Variants in TNFSF8 observed in about 807,000 individuals in gnomAD.
TNFSF8 encodes tumor necrosis factor ligand superfamily member 8.
Under a neutral mutation model 22.0 loss-of-function variants are expected in TNFSF8, and 4 were observed. The observed-to-expected ratio is 0.18, with a 90% confidence interval of 0.09 to 0.42. The LOEUF (loss-of-function observed/expected upper bound fraction) is 0.42, where lower values mean the gene tolerates loss of function less well. Among genes scored for constraint, TNFSF8 ranks in the 10% least tolerant of loss-of-function variants. The pLI is 1.00. For synonymous variants in TNFSF8, 106 were observed against 112.5 expected (o/e 0.94, Z 0.37); for missense variants, 233 against 281.8 (o/e 0.83, Z 1.24).
chr9:114,900,393 G>A (rs1016934389), downstream of TNFSF8, among the ~76,000 whole-genome samples: 4 of 152,216 alleles, frequency 2.6e-5, no homozygotes, highest in Non-Finnish European at 5.9e-5. Context: ...AGCCCAGCAG[G>A]GAGCAGACAC....
intron 2 of TNFSF8, among the ~76,000 whole-genome samples, chr9:114,910,376 C>A (rs1042984223): frequency 1.3e-4 from 20 of 152,128 alleles, no homozygotes; most frequent in African/African-American, 4.8e-4. Flanking sequence ...AACAGAGATC[C>A]TAGTTTTAGG....
intron 1 of TNFSF8, among the ~76,000 whole-genome samples, chr9:114,925,784 T>A (rs911348595): frequency 3.9e-5 from 6 of 152,260 alleles, no homozygotes; most frequent in African/African-American, 1.4e-4. Context: ...AACCCTATAC[T>A]CCAACCTTTT....
At chr9:114,921,240 C>T (rs907262910) in intron 1 of TNFSF8, among the ~76,000 whole-genome samples, 6 of 152,180 alleles carry the variant, frequency 3.9e-5, no homozygotes, top group Admixed American at 3.9e-4. Context: ...AGAAGCGTGA[C>T]TATTCCTATT....
At position 114,910,989 on chromosome 9, in the gene TNFSF8, A is replaced by G. The variant is rs1827845929; in HGVS notation, c.239-5090T>C. 2.0e-5 allele frequency among the ~76,000 whole-genome samples: 3 copies of G among 152,214 alleles called. No individual in the cohort carries two copies. The South Asian group carries it at 6.2e-4, about 32-fold the overall frequency. On this transcript the variant is annotated intron_variant, in intron 2 of 3. Transcript: ENST00000223795. ...CAATCAACCTAAATGTATGGATGTC[A>G]TGAAGATGCAATGAGACCGTGGATG...
downstream of TNFSF8, among the ~76,000 whole-genome samples, chr9:114,896,807 C>G (rs563023473): frequency 6.6e-6 from 1 of 152,048 alleles, no homozygotes; most frequent in East Asian, 1.9e-4. Context: ...TTTTTTCCTT[C>G]CATGTTCTCA....
chr9:114,901,653 T>A lies in TNFSF8; in HGVS notation c.*2278A>T, dbSNP rs1827718281. ...CAAATGCCAGCCATTTCCCTGTTTT[T>A]TTAGCCTTGAGTCTCAAAGTCTGTT... On this transcript the variant is annotated 3_prime_UTR_variant, in exon 4 of 4. Transcript: ENST00000223795. The A allele has an allele frequency of 1.0e-6, 1 of 985,314 alleles. No homozygotes were observed. Among genetic ancestry groups the A allele is most frequent in the Non-Finnish European group, 1.2e-6 (1 of 829,944 alleles). The allele number at this position is 985,314 out of a possible 1,614,324, so 61.0% of individuals were successfully genotyped here.
At chr9:114,893,819 AT>A (rs1383990157) in exon 5 of TNFSF8, 1 of 437,180 alleles carries the variant, frequency 2.3e-6, no homozygotes, top group African/African-American at 2.0e-5. Flanking sequence ...GAAGTGATTA[AT>A]TCTGGGAAGG....
At chr9:114,898,502 G>A (rs1827680612), downstream of TNFSF8, among the ~76,000 whole-genome samples, 1 of 152,162 alleles carries the variant, frequency 6.6e-6, no homozygotes, top group Non-Finnish European at 1.5e-5. Context: ...ATTGAGAGTG[G>A]TGGCTGGAAC....
chr9:114,927,123 TATTA>T (rs1228579346), intron 1 of TNFSF8, among the ~76,000 whole-genome samples: 2 of 147,392 alleles, frequency 1.4e-5, no homozygotes. Flanking sequence ...AAAGTAATAT[TATTA>T]TATAAAATAG....
chr9:114,914,658 T>C (rs1423899828), intron 2 of TNFSF8, among the ~76,000 whole-genome samples: 1 of 152,168 alleles, frequency 6.6e-6, no homozygotes, highest in Non-Finnish European at 1.5e-5. Flanking sequence ...GAGGGTCCAA[T>C]TGCTGTCCCA....
intron 2 of TNFSF8, among the ~76,000 whole-genome samples, chr9:114,910,711 G>A (rs1827842320): frequency 6.6e-6 from 1 of 152,166 alleles, no homozygotes; most frequent in Non-Finnish European, 1.5e-5. Flanking sequence ...CAAGTCATGG[G>A]CACATAAAGA....
At chr9:114,894,070 C>T (rs564392899) in exon 5 of TNFSF8, 2 of 1,533,972 alleles carry the variant, frequency 1.3e-6, no homozygotes, top group Non-Finnish European at 1.7e-6. Flanking sequence ...CAGCAACCAG[C>T]ATCAAGGTTC....
exon 5 of TNFSF8, chr9:114,893,968 G>T: frequency 1.2e-6 from 1 of 855,658 alleles, no homozygotes; most frequent in Non-Finnish European, 1.9e-6. Flanking sequence ...TCCTGGCTAT[G>T]TCGGTTTAGG....
intron 2 of TNFSF8, among the ~76,000 whole-genome samples, chr9:114,909,325 T>C (rs1827824410): frequency 6.6e-6 from 1 of 152,190 alleles, no homozygotes; most frequent in Non-Finnish European, 1.5e-5. Context: ...TTCTGAAGGC[T>C]GGGAGCAGAG....
At chr9:114,919,353 C>G (rs1827960172) in intron 1 of TNFSF8, among the ~76,000 whole-genome samples, 1 of 152,022 alleles carries the variant, frequency 6.6e-6, no homozygotes, top group Non-Finnish European at 1.5e-5. Flanking sequence ...AACAGATTGT[C>G]TTTTGAAGGA....
intron 3 of TNFSF8, among the ~76,000 whole-genome samples, chr9:114,905,532 G>T (rs1057060737): frequency 6.6e-6 from 1 of 152,182 alleles, no homozygotes; most frequent in Non-Finnish European, 1.5e-5. Flanking sequence ...GGTGAGGGGT[G>T]GGGCTGGTGG....
At chr9:114,901,034 A>AGTGTGTGT (rs113133989), downstream of TNFSF8, 2 of 905,778 alleles carry the variant, frequency 2.2e-6, no homozygotes, top group East Asian at 2.4e-4. Context: ...AAGTACACTG[A>AGTGTGTGT]GTGTGTGTGT....
intron 2 of TNFSF8, among the ~76,000 whole-genome samples, chr9:114,909,730 A>C (rs1314592207): frequency 1.3e-5 from 2 of 152,188 alleles, no homozygotes; most frequent in Non-Finnish European, 2.9e-5. Flanking sequence ...CTTTATGGGC[A>C]TGTTGCATTA....
At chr9:114,899,912 A>AT (rs750184339), downstream of TNFSF8, among the ~76,000 whole-genome samples, 13 of 152,158 alleles carry the variant, frequency 8.5e-5, no homozygotes, top group Non-Finnish European at 1.8e-4. Flanking sequence ...TTCCAAGAGT[A>AT]TTTTTGCTGT....
Sources: gnomAD v4.1 joint callset for allele counts (sites outside exome capture counted in the v4.1 genomes callset) on GRCh38, gnomAD v4.1.1 for gene constraint, MANE v1.5 for transcripts, NCBI Gene and HGNC (gene_info 2026-07-23, HGNC 2026-07-21) for gene names.